SEMA3E: variants seen among roughly 807,000 people sequenced by gnomAD.
SEMA3E encodes the protein semaphorin 3E.
A neutral mutation model predicts 93.6 loss-of-function variants in SEMA3E; 49 were observed. The ratio of observed to expected loss-of-function variants is 0.52; its 90% CI spans 0.42 to 0.66. The LOEUF (loss-of-function observed/expected upper bound fraction) is 0.66, where lower values mean the gene tolerates loss of function less well. SEMA3E is among the 30% of genes least tolerant of loss of function. SEMA3E has a pLI of 0.00. For synonymous variants in SEMA3E, 363 were observed against 330.7 expected, an observed-to-expected ratio of 1.10 and a Z score of -1.06; for missense variants, 906 against 964.8, an observed-to-expected ratio of 0.94 and a Z score of 0.81.
At chr7:83,555,694 T>C (rs1791872877) in intron 1 of SEMA3E, among the ~76,000 whole-genome samples, 2 of 152,214 alleles carry the variant, frequency 1.3e-5, no homozygotes, top group African/African-American at 4.8e-5. Flanking sequence ...TAATTCTTTC[T>C]AACAATTGGA....
intron 16 of SEMA3E, among the ~76,000 whole-genome samples, chr7:83,378,703 T>C (rs765854958): frequency 2.0e-5 from 3 of 152,014 alleles, no homozygotes; most frequent in Non-Finnish European, 2.9e-5. Context: ...CCTGGTTTTA[T>C]TACACCACAC....
At chr7:83,445,086 T>G (rs1255429491) in intron 4 of SEMA3E, among the ~76,000 whole-genome samples, 1 of 151,956 alleles carries the variant, frequency 6.6e-6, no homozygotes, top group Non-Finnish European at 1.5e-5. Flanking sequence ...GGAAAATGAG[T>G]TAAGGAAGAC....
chr7:83,466,885 A>T (rs1332601357), intron 3 of SEMA3E, among the ~76,000 whole-genome samples: 5 of 152,182 alleles, frequency 3.3e-5, no homozygotes, highest in African/African-American at 1.2e-4. Context: ...AAAAAGCACT[A>T]TTCAGAAATT....
At chr7:83,478,620 G>C (rs187525905) in intron 2 of SEMA3E, among the ~76,000 whole-genome samples, 4 of 152,238 alleles carry the variant, frequency 2.6e-5, no homozygotes, top group Non-Finnish European at 4.4e-5. Flanking sequence ...AGTAAACAAA[G>C]GGTGTACAGT....
At position 83,367,521 on chromosome 7, in the gene SEMA3E, TA is replaced by T. The variant is rs1468404930; in HGVS notation, c.*64del. 9 of 1,531,818 alleles carry T rather than the reference TA, an allele frequency of 5.9e-6. No individual in the cohort carries two copies. The East Asian group carries it at 1.8e-4, about 31-fold the overall frequency. 94.9% of individuals were successfully genotyped at this position (1,531,818 alleles called of 1,614,324 possible). A position where few individuals can be genotyped will look rare whatever the true frequency, so the allele number is the denominator to read the frequency against. The stretch of plus-strand genomic sequence containing the variant: ...AGTAATGCAAAGAAGTTGGATGATT[TA>T]TTTTTTTACTTTTTTACTTTCCAAA... On this transcript the variant is annotated 3_prime_UTR_variant, in exon 17 of 17. Transcript: ENST00000643230.
chr7:83,508,906 T>C (rs963129985), intron 1 of SEMA3E, among the ~76,000 whole-genome samples: 1 of 152,202 alleles, frequency 6.6e-6, no homozygotes, highest in Non-Finnish European at 1.5e-5. Context: ...ACATACTTTT[T>C]GATCTGATAA....
At chr7:83,454,250 T>C (rs1789428768) in intron 4 of SEMA3E, among the ~76,000 whole-genome samples, 2 of 63,120 alleles carry the variant, frequency 3.2e-5, no homozygotes, top group Non-Finnish European at 5.5e-5. Flanking sequence ...AGAGCAAGAC[T>C]CCGACTCAAA....
chr7:83,407,372 T>C lies in SEMA3E; in HGVS notation c.671-133A>G, dbSNP rs1052779550. Reference sequence around the variant, plus strand: ...ACCATTTCATAAAGAAATATTTTTCTTGAATTTTTTTACCAAACATTAAAA... The same window carrying C: ...ACCATTTCATAAAGAAATATTTTTCCTGAATTTTTTTACCAAACATTAAAA... On this transcript the variant is annotated intron_variant, in intron 6 of 16. Coordinates refer to ENST00000643230, the MANE Select transcript of SEMA3E (RefSeq NM_012431.3). 1.1e-5 allele frequency: 9 copies of C among 823,948 alleles called. No individual in the cohort carries two copies. In the African/African-American group the frequency reaches 1.4e-4, roughly 13 times the overall value. 51.0% of individuals were successfully genotyped at this position (823,948 alleles called of 1,614,324 possible). A position where few individuals can be genotyped will look rare whatever the true frequency, so the allele number is the denominator to read the frequency against.
intron 2 of SEMA3E, among the ~76,000 whole-genome samples, chr7:83,472,830 C>T (rs929494848): frequency 6.6e-5 from 10 of 152,114 alleles, no homozygotes; most frequent in African/African-American, 2.4e-4. Context: ...GGCCGTTTCC[C>T]CCATGCTGTT....
chr7:83,388,182 G>A (rs1011487036), intron 14 of SEMA3E, among the ~76,000 whole-genome samples: 7 of 148,132 alleles, frequency 4.7e-5, no homozygotes, highest in East Asian at 2.0e-4. Flanking sequence ...GGTGGTGTGC[G>A]CCTGTAGTCC....
intron 1 of SEMA3E, among the ~76,000 whole-genome samples, chr7:83,587,239 G>A (rs558120925): frequency 1.3e-5 from 2 of 151,994 alleles, no homozygotes; most frequent in Non-Finnish European, 2.9e-5. Flanking sequence ...CCAATTTGAG[G>A]CTTGTAAGAA....
chr7:83,547,757 A>G (rs747929134), intron 1 of SEMA3E, among the ~76,000 whole-genome samples: 1 of 152,134 alleles, frequency 6.6e-6, no homozygotes, highest in Non-Finnish European at 1.5e-5. Context: ...AGGCCAAGGC[A>G]AATTTTCTTC....
chr7:83,454,654 A>G (rs1026251488), intron 4 of SEMA3E, among the ~76,000 whole-genome samples: 5 of 152,312 alleles, frequency 3.3e-5, no homozygotes, highest in Non-Finnish European at 7.4e-5. Flanking sequence ...AATACTTTTG[A>G]GGAAAACATC....
chr7:83,629,345 G>A, intron 1 of SEMA3E, among the ~76,000 whole-genome samples: 1 of 152,150 alleles, frequency 6.6e-6, no homozygotes, highest in East Asian at 1.9e-4. Context: ...TGTGCTGGTA[G>A]AGCCACTGCT....
chr7:83,462,686 C>T (rs989392014), intron 4 of SEMA3E, among the ~76,000 whole-genome samples: 3 of 151,220 alleles, frequency 2.0e-5, no homozygotes, highest in African/African-American at 7.3e-5. Context: ...AAGATTAAAG[C>T]CTGTTATCAC....
At chr7:83,600,019 T>C (rs1009169039) in intron 1 of SEMA3E, among the ~76,000 whole-genome samples, 5 of 152,198 alleles carry the variant, frequency 3.3e-5, no homozygotes, top group Admixed American at 2.6e-4. Context: ...CCATCAATCA[T>C]ACTACATAAA....
intron 5 of SEMA3E, among the ~76,000 whole-genome samples, chr7:83,414,397 T>G (rs1788501858): frequency 6.6e-6 from 1 of 152,212 alleles, no homozygotes; most frequent in South Asian, 2.1e-4. Context: ...AAATTTTCTC[T>G]GCATGCATTC....
intron 4 of SEMA3E, among the ~76,000 whole-genome samples, chr7:83,423,428 C>T (rs1480524869): frequency 1.3e-5 from 2 of 151,822 alleles, no homozygotes; most frequent in Non-Finnish European, 2.9e-5. Flanking sequence ...AAAACTAAGT[C>T]AACAAGTAAT....
intron 1 of SEMA3E, among the ~76,000 whole-genome samples, chr7:83,576,088 A>G (rs1026257160): frequency 1.3e-5 from 2 of 152,226 alleles, no homozygotes; most frequent in East Asian, 1.9e-4. Flanking sequence ...ATATAAATCT[A>G]TTAGAAAGTA....
Sources: gnomAD v4.1 joint callset for allele counts (sites outside exome capture counted in the v4.1 genomes callset) on GRCh38, gnomAD v4.1.1 for gene constraint, MANE v1.5 for transcripts, NCBI Gene and HGNC (gene_info 2026-07-23, HGNC 2026-07-21) for gene names.